The following TEX15 variants were observed in gnomAD, a reference collection of about 807,000 sequenced individuals.
TEX15 encodes the protein testis expressed 15, meiosis and synapsis associated.
Under a neutral mutation model 237.3 loss-of-function variants are expected in TEX15, and 171 were observed. The observed-to-expected ratio is 0.72, with a 90% CI of 0.64 to 0.82. TEX15 has a LOEUF of 0.82. TEX15 is among the 40% of genes least tolerant of loss of function. The pLI, the probability that TEX15 is intolerant of heterozygous loss-of-function variation, is 0.00. For synonymous variants in TEX15, 1,338 were observed against 1,269.8 expected (o/e 1.05, Z -1.14); for missense variants, 3,750 against 3,646.5 (o/e 1.03, Z -0.73).
At chr8:30,910,610 CTTTTTTTTTTTTT>C (rs796129316) in intron 1 of TEX15, among the ~76,000 whole-genome samples, 10 of 97,912 alleles carry the variant, frequency 1.0e-4, no homozygotes, top group African/African-American at 1.4e-4. Context: ...CACGCCTGGC[CTTTTTTTTTTTTT>C]TTTTTTTTTT....
intron 5 of TEX15, among the ~76,000 whole-genome samples, chr8:30,861,959 A>C (rs1431249579): frequency 6.6e-6 from 1 of 152,186 alleles, no homozygotes. Flanking sequence ...GAAAAAATTA[A>C]ACCACACATT....
chr8:30,838,504 T>A (rs1013848090), intron 9 of TEX15, among the ~76,000 whole-genome samples: 1 of 151,922 alleles, frequency 6.6e-6, no homozygotes. Context: ...CTCTCTGTTA[T>A]AACAGACTAA....
rs983725061 is a variant in TEX15 at position 30,849,333 on chromosome 8, G to C, written c.851-17C>G. ...ATGTCCTTTCTGTGGAAATAATAAG[G>C]AAGACAAATTTGAAAAAAAGTGTTT... is the stretch of plus-strand genomic sequence containing the variant. On this transcript the variant is annotated splice_polypyrimidine_tract_variant and intron_variant, in intron 7 of 10. Transcript: ENST00000643185. The C allele has an allele frequency of 1.4e-6, 2 of 1,453,168 alleles. No individual in the cohort carries two copies. Among genetic ancestry groups the C allele is most frequent in the Admixed American group, 2.6e-5 (1 of 38,676 alleles). 90.0% of individuals were successfully genotyped at this position (1,453,168 alleles called of 1,614,324 possible). A position where few individuals can be genotyped will look rare whatever the true frequency, so the allele number is the denominator to read the frequency against.
intron 1 of TEX15, among the ~76,000 whole-genome samples, chr8:30,903,466 C>G (rs900742787): frequency 2.6e-5 from 4 of 152,192 alleles, no homozygotes; most frequent in African/African-American, 9.6e-5. Flanking sequence ...CCAAGGTCAT[C>G]CTGGTTGCAG....
chr8:30,907,938 A>G (rs1056821977), intron 1 of TEX15, among the ~76,000 whole-genome samples: 1 of 151,918 alleles, frequency 6.6e-6, no homozygotes, highest in Admixed American at 6.6e-5. Context: ...TATGAATTCT[A>G]TAAAAGAATT....
chr8:30,900,041 A>G (rs1297223239), intron 1 of TEX15, among the ~76,000 whole-genome samples: 5 of 152,236 alleles, frequency 3.3e-5, no homozygotes, highest in Non-Finnish European at 7.3e-5. Context: ...TCCAAATTCT[A>G]GATCTTTTTT....
rs1807598706 is a variant in TEX15 at position 30,846,135 on chromosome 8, T to C, written c.4032A>G (p.Gln1344=). The C allele has an allele frequency of 6.2e-7, 1 of 1,613,464 alleles. No homozygotes were observed. Among genetic ancestry groups the C allele is most frequent in the Admixed American group, 1.7e-5 (1 of 59,978 alleles). ...DSSECFSSLS[Q]GRIKTFSQSE... ...ACTGTGAAAATGTTTTAATTCGTCC[T>C]TGGGATAATGAAGAGAAACACTCAG... Residue 1344 remains glutamine, a synonymous_variant, in exon 8 of 11, where the codon CAA becomes CAG. Coordinates refer to ENST00000643185, the MANE Select transcript of TEX15 (RefSeq NM_001350162.2).
Position 30,837,236 on chromosome 8 carries a change from C to T in TEX15, c.9048G>A (p.Trp3016Ter), listed in dbSNP as rs1362634422. 1.9e-6 allele frequency: 3 copies of T among 1,613,970 alleles called. No individual in the cohort carries two copies. In the African/African-American group the frequency reaches 4.0e-5, roughly 22 times the overall value. The change falls in exon 10 of 11, where the codon TGG becomes TGA. Residue 3016 changes from tryptophan to a stop codon, truncating the protein, a stop_gained. Coordinates refer to ENST00000643185, the MANE Select transcript of TEX15 (RefSeq NM_001350162.2). LOFTEE classifies it high-confidence loss of function. Reference sequence around the variant, plus strand: ...TACATGCAGACTGTGGAAGTTCATTCCAATATGTGGCAGCATTCTGCATTA... The same window carrying T: ...TACATGCAGACTGTGGAAGTTCATTTCAATATGTGGCAGCATTCTGCATTA... ...KVLMQNAATY[W>*]NELPQSACNP...
chr8:30,885,274 T>C lies in TEX15; in HGVS notation c.136+1893A>G, dbSNP rs537209110. On this transcript the variant is annotated intron_variant, in intron 3 of 10. Coordinates refer to ENST00000643185, the MANE Select transcript of TEX15 (RefSeq NM_001350162.2). Reference sequence around the variant, plus strand: ...TAATTCCCATGTTTTGTGGGAGGGATCCAGTGGGAGATGACTGAACTATGG... The same window carrying C: ...TAATTCCCATGTTTTGTGGGAGGGACCCAGTGGGAGATGACTGAACTATGG... Among the ~76,000 whole-genome samples the C allele has an allele frequency of 3.4e-3, 524 of 152,242 alleles. 1 individual carries two copies. The highest frequency in any genetic ancestry group is 6.3e-3 in the Non-Finnish European group (431 of 68,020).
chr8:30,863,741 A>G (rs1808100178), intron 5 of TEX15, among the ~76,000 whole-genome samples: 2 of 152,192 alleles, frequency 1.3e-5, no homozygotes, highest in Admixed American at 1.3e-4. Context: ...CACAGAGGGA[A>G]AAGTGCAGGC....
At chr8:30,872,750 TA>T (rs1808318013) in intron 4 of TEX15, among the ~76,000 whole-genome samples, 1 of 150,974 alleles carries the variant, frequency 6.6e-6, no homozygotes, top group Admixed American at 6.6e-5. Flanking sequence ...TTCTAAAAGT[TA>T]AAAAAAACAA....
intron 5 of TEX15, among the ~76,000 whole-genome samples, chr8:30,864,186 G>T (rs1212058501): frequency 6.6e-6 from 1 of 151,786 alleles, no homozygotes; most frequent in African/African-American, 2.4e-5. Flanking sequence ...TCTCTAGAGG[G>T]GTTCAAAGGC....
intron 7 of TEX15, 77 bp from the exon 8 acceptor site, chr8:30,849,393 C>A (rs1280095458): frequency 1.3e-6 from 1 of 790,448 alleles, no homozygotes; most frequent in East Asian, 2.7e-5. Flanking sequence ...ACATTGTGTC[C>A]AGTAATTTTA....
chr8:30,887,552 A>C, intron 2 of TEX15: 1 of 294,038 alleles, frequency 3.4e-6, no homozygotes, highest in Non-Finnish European at 6.3e-6. Flanking sequence ...TAATCCCAGC[A>C]CTTTGAGAGG....
At chr8:30,890,801 T>C (rs1808780537) in intron 2 of TEX15, among the ~76,000 whole-genome samples, 1 of 152,198 alleles carries the variant, frequency 6.6e-6, no homozygotes, top group Non-Finnish European at 1.5e-5. Context: ...TTTGAAAACT[T>C]GGTAAATAAA....
chr8:30,839,945 G>A lies in TEX15; in HGVS notation c.8183C>T (p.Thr2728Ile), dbSNP rs1292289601. 1 of 1,598,574 alleles carries A rather than the reference G, an allele frequency of 6.3e-7. No homozygotes were observed. Among genetic ancestry groups the A allele is most frequent in the Non-Finnish European group, 8.5e-7 (1 of 1,172,598 alleles). ...TGTTGCCTTTTCTCTGTTGATTTTT[G>A]TGACATCTTTCATGTCTACCTGTGT... ...KKLKVDMKDV[T>I]KINREKATFK... Residue 2728 changes from threonine (T) to isoleucine (I), a missense_variant, in exon 9 of 11, where the codon ACA becomes ATA. By Grantham distance (89) the Thr-to-Ile change is moderately conservative. Transcript: ENST00000643185.
At chr8:30,836,182 G>A (rs2128765890) in intron 10 of TEX15, among the ~76,000 whole-genome samples, 2 of 132,658 alleles carry the variant, frequency 1.5e-5, no homozygotes, top group Admixed American at 1.6e-4. Context: ...CCCTTTAATG[G>A]TTGCGTCACA....
intron 2 of TEX15, among the ~76,000 whole-genome samples, chr8:30,888,238 A>G (rs80026549): frequency 0.013 from 1,968 of 151,820 alleles, 44 homozygotes; most frequent in African/African-American, 0.045. Context: ...TTTAAAAAGC[A>G]TTTTTTTCCC....
intron 9 of TEX15, among the ~76,000 whole-genome samples, chr8:30,838,819 T>C (rs1191022760): frequency 1.1e-4 from 10 of 91,172 alleles, no homozygotes; most frequent in South Asian, 3.3e-4. Context: ...TATATATATA[T>C]ATGAATTTTT....
Sources: allele counts gnomAD v4.1 joint callset (sites outside exome capture counted in the v4.1 genomes callset), GRCh38; gene constraint gnomAD v4.1.1; transcripts MANE v1.5; gene names NCBI Gene and HGNC (gene_info 2026-07-23, HGNC 2026-07-21).